ALK: variants seen among roughly 807,000 people sequenced by gnomAD.
The protein encoded by ALK is ALK tyrosine kinase receptor.
A neutral mutation model predicts 163.1 loss-of-function variants in ALK; 74 were observed. The ratio of observed to expected loss-of-function variants is 0.45; its 90% CI spans 0.38 to 0.55. The LOEUF is 0.55. ALK is among the 20% of genes least tolerant of loss of function. ALK has a pLI of 0.00. For synonymous variants in ALK, 960 were observed against 843.2 expected, an observed-to-expected ratio of 1.14 and a Z score of -2.40; for missense variants, 2,063 against 2,105.3, an observed-to-expected ratio of 0.98 and a Z score of 0.39.
At chr2:29,205,996 G>C (rs961242348) in intron 26 of ALK, among the ~76,000 whole-genome samples, 12 of 152,142 alleles carry the variant, frequency 7.9e-5, no homozygotes, top group Non-Finnish European at 1.5e-4. Context: ...GTGCTGAGGG[G>C]CCAGTGGGGG....
chr2:29,379,614 G>GT (rs1006062887), intron 5 of ALK, among the ~76,000 whole-genome samples: 2 of 152,182 alleles, frequency 1.3e-5, no homozygotes, highest in African/African-American at 2.4e-5. Flanking sequence ...CAGGAAATGA[G>GT]TAAGGTGGTC....
At chr2:29,665,613 C>G (rs1193339859) in intron 3 of ALK, among the ~76,000 whole-genome samples, 2 of 151,868 alleles carry the variant, frequency 1.3e-5, no homozygotes, top group African/African-American at 4.8e-5. Flanking sequence ...GAAAGGGGGC[C>G]TATGCAGGAT....
intron 8 of ALK, among the ~76,000 whole-genome samples, chr2:29,309,518 C>T (rs1666636988): frequency 2.0e-5 from 3 of 152,320 alleles, no homozygotes; most frequent in South Asian, 4.1e-4. Context: ...CTGTTGATTA[C>T]TGCAGGCATT....
At chr2:29,350,046 G>A (rs1044229182) in intron 5 of ALK, among the ~76,000 whole-genome samples, 13 of 152,222 alleles carry the variant, frequency 8.5e-5, no homozygotes, top group African/African-American at 2.9e-4. Flanking sequence ...TAGCAAGCAG[G>A]GCTGATAAAC....
chr2:29,207,130 T>G (rs1669331881), intron 26 of ALK, 41 bp downstream of exon 26: 2 of 1,537,604 alleles, frequency 1.3e-6, no homozygotes, highest in Non-Finnish European at 1.8e-6. Flanking sequence ...GAGCACCACC[T>G]TATGGCTGCA....
At chr2:29,755,357 T>G (rs1680487531) in intron 1 of ALK, among the ~76,000 whole-genome samples, 1 of 152,214 alleles carries the variant, frequency 6.6e-6, no homozygotes, top group African/African-American at 2.4e-5. Flanking sequence ...CCACACATCC[T>G]TGGCTCTGGG....
At chr2:29,555,592 G>A (rs1318550167) in intron 3 of ALK, among the ~76,000 whole-genome samples, 1 of 152,062 alleles carries the variant, frequency 6.6e-6, no homozygotes, top group Middle Eastern at 3.2e-3. Context: ...CCTTGGTTTG[G>A]ATTTAATGAA....
chr2:29,768,539 AG>A (rs928813479), intron 1 of ALK, among the ~76,000 whole-genome samples: 83 of 152,338 alleles, frequency 5.4e-4, no homozygotes, highest in African/African-American at 1.9e-3. Context: ...GATACAACAA[AG>A]TTCCATTATA....
At chr2:29,516,303 G>T (rs62131073) in intron 4 of ALK, among the ~76,000 whole-genome samples, 3 of 152,156 alleles carry the variant, frequency 2.0e-5, no homozygotes, top group African/African-American at 7.2e-5. Context: ...CTGAAACAGG[G>T]CACAGCATGA....
intron 1 of ALK, among the ~76,000 whole-genome samples, chr2:29,804,121 A>G (rs6731758): frequency 0.44 from 66,236 of 151,984 alleles, 16,857 homozygotes; most frequent in South Asian, 0.57. Context: ...ATTGCAAAAT[A>G]TAAAAGCCTG....
chr2:29,744,168 C>A (rs1680141671), intron 1 of ALK, among the ~76,000 whole-genome samples: 1 of 152,138 alleles, frequency 6.6e-6, no homozygotes, highest in Non-Finnish European at 1.5e-5. Flanking sequence ...TCACCACACA[C>A]AGGAGGAAAC....
intron 4 of ALK, among the ~76,000 whole-genome samples, chr2:29,474,166 T>C (rs939883499): frequency 1.3e-5 from 2 of 152,212 alleles, no homozygotes; most frequent in African/African-American, 4.8e-5. Context: ...TGAAATAGTC[T>C]GCAACAACAA....
chr2:29,251,012 C>G, intron 12 of ALK, 93 bp downstream of exon 12: 1 of 1,374,510 alleles, frequency 7.3e-7, no homozygotes, highest in Admixed American at 2.1e-5. Context: ...CTTGACATGC[C>G]TGGGCACCCC....
At chr2:29,893,774 T>G (rs1288125785) in intron 1 of ALK, among the ~76,000 whole-genome samples, 1 of 152,176 alleles carries the variant, frequency 6.6e-6, no homozygotes, top group Non-Finnish European at 1.5e-5. Flanking sequence ...ACTTACTGAA[T>G]TTCAAGAACA....
chr2:29,770,100 T>A (rs980589309), intron 1 of ALK, among the ~76,000 whole-genome samples: 4 of 152,228 alleles, frequency 2.6e-5, no homozygotes, highest in Admixed American at 6.5e-5. Context: ...TTCTTTACTA[T>A]CTGGAATTGG....
chr2:29,200,760 T>TGTATATATATACGTATATATATAC (rs1553389062), intron 26 of ALK, among the ~76,000 whole-genome samples: 1 of 104,968 alleles, frequency 9.5e-6, no homozygotes, highest in Admixed American at 9.1e-5. Flanking sequence ...TACGTATATA[T>TGTATATATATACGTATATATATAC]GTATATATAT....
chr2:29,700,881 C>T (rs1678713047), intron 2 of ALK, among the ~76,000 whole-genome samples: 3 of 152,156 alleles, frequency 2.0e-5, no homozygotes, highest in Admixed American at 2.0e-4. Flanking sequence ...AATGACAAAC[C>T]ACCTTGAACA....
intron 4 of ALK, among the ~76,000 whole-genome samples, chr2:29,444,163 G>A (rs1256541344): frequency 1.3e-5 from 2 of 152,206 alleles, no homozygotes; most frequent in African/African-American, 4.8e-5. Flanking sequence ...GCTTTTGGGG[G>A]TAGGACAGAG....
At chr2:29,413,564 C>T (rs1038363056) in intron 4 of ALK, among the ~76,000 whole-genome samples, 5 of 152,096 alleles carry the variant, frequency 3.3e-5, no homozygotes, top group African/African-American at 7.2e-5. Context: ...CAGAGCGTCA[C>T]TCTTTTGCCC....
Sources: allele counts gnomAD v4.1 joint callset (sites outside exome capture counted in the v4.1 genomes callset), GRCh38; gene constraint gnomAD v4.1.1; transcripts MANE v1.5; gene names NCBI Gene and HGNC (gene_info 2026-07-23, HGNC 2026-07-21).